The following RIMS2 variants were observed in gnomAD, a reference collection of about 807,000 sequenced individuals.
RIMS2 encodes the protein regulating synaptic membrane exocytosis protein 2.
A neutral mutation model predicts 174.4 loss-of-function variants in RIMS2; 59 were observed. The ratio of observed to expected loss-of-function variants is 0.34; its 90% CI spans 0.27 to 0.42. The LOEUF is 0.42. Ranked by LOEUF, RIMS2 falls within the 10% of genes least tolerant of loss-of-function variation. The pLI, the probability that RIMS2 is intolerant of heterozygous loss-of-function variation, is 1.00. For synonymous variants in RIMS2, 606 were observed against 572.5 expected, an observed-to-expected ratio of 1.06 and a Z score of -0.84; for missense variants, 1,620 against 1,666.3, an observed-to-expected ratio of 0.97 and a Z score of 0.48.
intron 1 of RIMS2, among the ~76,000 whole-genome samples, chr8:103,575,617 T>G (rs989080712): frequency 1.3e-5 from 2 of 148,844 alleles, no homozygotes; most frequent in African/African-American, 4.9e-5. Flanking sequence ...AAATATGTAT[T>G]TATATAATAT....
chr8:103,910,978 T>C (rs1284944846), intron 5 of RIMS2, among the ~76,000 whole-genome samples: 1 of 152,222 alleles, frequency 6.6e-6, no homozygotes, highest in East Asian at 1.9e-4. Flanking sequence ...AAAAGTTGTT[T>C]TTCTTTTTTC....
intron 1 of RIMS2, among the ~76,000 whole-genome samples, chr8:103,575,965 G>A (rs1460614329): frequency 6.6e-6 from 1 of 152,178 alleles, no homozygotes. Flanking sequence ...GACTGTCCCT[G>A]CCTCAACCCA....
chr8:104,021,572 G>A (rs1027701622), intron 19 of RIMS2, among the ~76,000 whole-genome samples: 1 of 152,096 alleles, frequency 6.6e-6, no homozygotes, highest in African/African-American at 2.4e-5. Flanking sequence ...TGTCAAGATC[G>A]TATCTTTTCA....
intron 19 of RIMS2, among the ~76,000 whole-genome samples, chr8:104,029,904 A>AC (rs1212031546): frequency 1.3e-5 from 2 of 152,192 alleles, no homozygotes; most frequent in Non-Finnish European, 2.9e-5. Flanking sequence ...GAATCAACAA[A>AC]TACTTTAATA....
At chr8:103,777,550 T>C (rs1444980912) in intron 3 of RIMS2, among the ~76,000 whole-genome samples, 1 of 152,030 alleles carries the variant, frequency 6.6e-6, no homozygotes, top group African/African-American at 2.4e-5. Flanking sequence ...ATAACTTATA[T>C]AAAAGCTATT....
intron 19 of RIMS2, among the ~76,000 whole-genome samples, chr8:104,131,770 A>T (rs1399456990): frequency 6.6e-6 from 1 of 152,170 alleles, no homozygotes; most frequent in African/African-American, 2.4e-5. Context: ...TGCACAGTGG[A>T]TGGCAACTAA....
At chr8:103,703,381 T>A (rs1346311879) in intron 2 of RIMS2, among the ~76,000 whole-genome samples, 2 of 151,892 alleles carry the variant, frequency 1.3e-5, no homozygotes, top group Non-Finnish European at 2.9e-5. Flanking sequence ...GGGATTACAG[T>A]CGTACACCAC....
chr8:103,737,608 G>A (rs377575981), intron 2 of RIMS2, among the ~76,000 whole-genome samples: 2 of 152,024 alleles, frequency 1.3e-5, no homozygotes, highest in African/African-American at 4.8e-5. Context: ...GCTTACTCAC[G>A]TAACTTCCTA....
intron 14 of RIMS2, among the ~76,000 whole-genome samples, chr8:103,953,288 G>T (rs10441503): frequency 1.3e-5 from 2 of 152,088 alleles, no homozygotes; most frequent in Non-Finnish European, 2.9e-5. Flanking sequence ...CAACCCCAAG[G>T]CACATAATTG....
intron 1 of RIMS2, among the ~76,000 whole-genome samples, chr8:103,612,439 G>A (rs1414627996): frequency 5.3e-5 from 8 of 152,186 alleles, no homozygotes; most frequent in Admixed American, 3.9e-4. Context: ...TTGAGAAGGT[G>A]TTTCAGGTAT....
intron 16 of RIMS2, chr8:103,976,530 C>A (rs1279185029): frequency 7.2e-6 from 1 of 138,272 alleles, no homozygotes; most frequent in Non-Finnish European, 1.6e-5. Flanking sequence ...TAATTTTTTT[C>A]TTTTTCTTTT....
chr8:104,102,036 TAATGCTTCATGGCTTC>T (rs1285208893), intron 19 of RIMS2, among the ~76,000 whole-genome samples: 2 of 152,130 alleles, frequency 1.3e-5, no homozygotes, highest in Non-Finnish European at 2.9e-5. Flanking sequence ...CGTATTATCT[TAATGCTTCATGGCTTC>T]AATGCTTCAT....
At chr8:103,797,714 G>A (rs372973921) in intron 3 of RIMS2, among the ~76,000 whole-genome samples, 1 of 152,224 alleles carries the variant, frequency 6.6e-6, no homozygotes, top group African/African-American at 2.4e-5. Flanking sequence ...AAGTGTATTA[G>A]CATATTTGAA....
At chr8:103,726,688 GATT>G (rs1214934458) in intron 2 of RIMS2, among the ~76,000 whole-genome samples, 1 of 147,384 alleles carries the variant, frequency 6.8e-6, no homozygotes, top group Non-Finnish European at 1.5e-5. Context: ...CCCTCAATAG[GATT>G]ATTTATATTA....
chr8:103,819,565 G>A (rs755119094), intron 3 of RIMS2: 10 of 1,613,414 alleles, frequency 6.2e-6, no homozygotes, highest in Middle Eastern at 1.6e-4. Context: ...TTTTCATGGG[G>A]TTTTTTCATC....
At chr8:103,905,775 C>CTTTTTTTTTTTTTTT (rs60157494) in intron 4 of RIMS2, among the ~76,000 whole-genome samples, 2 of 122,058 alleles carry the variant, frequency 1.6e-5, no homozygotes, top group East Asian at 2.5e-4. Context: ...ATTTTCTTTT[C>CTTTTTTTTTTTTTTT]TTTTTTTTTT....
chr8:103,991,458 C>A (rs2094691556), intron 17 of RIMS2, among the ~76,000 whole-genome samples: 2 of 151,894 alleles, frequency 1.3e-5, no homozygotes, highest in East Asian at 1.9e-4. Context: ...GCAACAAATT[C>A]TTAATCTCTG....
intron 1 of RIMS2, among the ~76,000 whole-genome samples, chr8:103,567,534 G>C (rs75228832): frequency 6.6e-6 from 1 of 152,176 alleles, no homozygotes; most frequent in Non-Finnish European, 1.5e-5. Context: ...ATAATAATCT[G>C]TTGTATGAAT....
intron 19 of RIMS2, among the ~76,000 whole-genome samples, chr8:104,039,704 A>T (rs1310493586): frequency 6.6e-6 from 1 of 151,760 alleles, no homozygotes; most frequent in Non-Finnish European, 1.5e-5. Context: ...ACACAATGCA[A>T]CATACGAAAG....
Sources: gnomAD v4.1 joint callset for allele counts (sites outside exome capture counted in the v4.1 genomes callset) on GRCh38, gnomAD v4.1.1 for gene constraint, MANE v1.5 for transcripts, NCBI Gene and HGNC (gene_info 2026-07-23, HGNC 2026-07-21) for gene names.